Variants in CREBBP observed in about 807,000 individuals in gnomAD.
The protein encoded by CREBBP is CREB binding lysine acetyltransferase.
Under a neutral mutation model 265.0 loss-of-function variants are expected in CREBBP, and 19 were observed. The observed-to-expected ratio is 0.07, with a 90% CI of 0.05 to 0.11. The LOEUF (loss-of-function observed/expected upper bound fraction) is 0.11, where lower values mean the gene tolerates loss of function less well. Ranked by LOEUF, CREBBP falls within the 10% of genes least tolerant of loss-of-function variation. The pLI, the probability that CREBBP is intolerant of heterozygous loss-of-function variation, is 1.00. For synonymous variants in CREBBP, 1,457 were observed against 1,223.7 expected, an observed-to-expected ratio of 1.19 and a Z score of -3.98; for missense variants, 2,525 against 3,219.0, an observed-to-expected ratio of 0.78 and a Z score of 5.22.
intron 8 of CREBBP, among the ~76,000 whole-genome samples, 192 bp from the exon 9 acceptor site, chr16:3,779,009 A>T (rs112646090): frequency 6.6e-6 from 1 of 151,982 alleles, no homozygotes; most frequent in Non-Finnish European, 1.5e-5. Flanking sequence ...TCTACTAAAA[A>T]TACAAAAATT....
chr16:3,835,576 CTTTTTT>C (rs1021938849), intron 2 of CREBBP, among the ~76,000 whole-genome samples: 13 of 117,452 alleles, frequency 1.1e-4, no homozygotes, highest in Admixed American at 8.7e-5. Flanking sequence ...AAGATTTCTT[CTTTTTT>C]TTTTTTTTTT....
chr16:3,785,817 AG>A (rs1276804332), intron 5 of CREBBP, among the ~76,000 whole-genome samples: 1 of 152,192 alleles, frequency 6.6e-6, no homozygotes, highest in African/African-American at 2.4e-5. Context: ...TCTAACTTTT[AG>A]GAAGTCACAA....
In CREBBP at chr16:3,729,102, G is replaced by T. The variant is rs2151307132; in HGVS notation, c.5945C>A (p.Pro1982His). The change falls in exon 31 of 31, where the codon CCC (proline) becomes CAC (histidine). Residue 1982 changes from proline to histidine, a missense_variant. Coordinates refer to ENST00000262367, the MANE Select transcript of CREBBP (RefSeq NM_004380.3). ...LYRVNINNSMPPGRTGMGTPG... is the reference protein window; with the variant it reads ...LYRVNINNSMHPGRTGMGTPG... ...GGTCCCCATGCCCGTGCGTCCTGGG[G>T]GCATGCTGTTGTTGATGTTCACCCG... 6.3e-7 allele frequency: 1 copy of T among 1,584,384 alleles called. No individual in the cohort carries two copies. Among genetic ancestry groups the T allele is most frequent in the Non-Finnish European group, 8.5e-7 (1 of 1,171,154 alleles).
At chr16:3,842,881 G>A (rs1199451649) in intron 2 of CREBBP, among the ~76,000 whole-genome samples, 17 of 148,258 alleles carry the variant, frequency 1.1e-4, no homozygotes, top group African/African-American at 3.8e-4. Flanking sequence ...CAGGAGAATC[G>A]CTTGAACCTG....
intron 21 of CREBBP, among the ~76,000 whole-genome samples, chr16:3,747,965 C>T (rs536816873): frequency 6.6e-5 from 10 of 152,314 alleles, no homozygotes; most frequent in African/African-American, 2.2e-4. Context: ...TGGCACATGC[C>T]TGTAATCCCA....
At chr16:3,735,224 A>G (rs1057267387) in intron 28 of CREBBP, among the ~76,000 whole-genome samples, 9 of 152,186 alleles carry the variant, frequency 5.9e-5, no homozygotes, top group African/African-American at 2.2e-4. Context: ...CGCTCAGAGC[A>G]CACCATGCTT....
Position 3,880,236 on chromosome 16 carries a change from C to A in CREBBP, c.-320G>T. On this transcript the variant is annotated 5_prime_UTR_variant, in exon 1 of 31. Coordinates refer to ENST00000262367, the MANE Select transcript of CREBBP (RefSeq NM_004380.3). ...GGGGCGCCCCGGCGGCCCGGCCGCCCCCCCGGGCCCGGCTGGCAGCGACGG... is the reference window on the plus strand; with the variant it reads ...GGGGCGCCCCGGCGGCCCGGCCGCCACCCCGGGCCCGGCTGGCAGCGACGG... 1.4e-5 allele frequency: 2 copies of A among 141,530 alleles called. No homozygotes were observed. The highest frequency in any genetic ancestry group is 3.7e-4 in the South Asian group (2 of 5,404). The allele number at this position is 141,530 out of a possible 1,614,324, so 8.8% of individuals were successfully genotyped here. A position where few individuals can be genotyped will look rare whatever the true frequency, so the allele number is the denominator to read the frequency against.
Position 3,758,976 on chromosome 16 carries a change from C to T in CREBBP, c.3251-4G>A, listed in dbSNP as rs778701213. 1 of 1,595,736 alleles carries T rather than the reference C, an allele frequency of 6.3e-7. No individual in the cohort carries two copies. Among genetic ancestry groups the T allele is most frequent in the Non-Finnish European group, 8.6e-7 (1 of 1,164,118 alleles). ...CGTAACTCCTCTGGTTTAAAGACTG[C>T]AGAGAAAACATCAAGAAAAGACACT... On this transcript the variant is annotated splice_region_variant and splice_polypyrimidine_tract_variant and intron_variant, in intron 16 of 30. Transcript: ENST00000262367.
chr16:3,732,469 C>T (rs1160275756), intron 28 of CREBBP, among the ~76,000 whole-genome samples: 2 of 152,178 alleles, frequency 1.3e-5, no homozygotes, highest in Admixed American at 6.5e-5. Flanking sequence ...ATCAGTGCTG[C>T]GCCTGACTGG....
chr16:3,774,058 C>G (rs1479429030), intron 12 of CREBBP, 128 bp from the exon 13 acceptor site: 3 of 1,029,180 alleles, frequency 2.9e-6, no homozygotes, highest in Middle Eastern at 3.0e-4. Context: ...ACATCCTGCC[C>G]TTCCTCATGG....
chr16:3,738,251 C>T (rs2151333322), intron 26 of CREBBP, among the ~76,000 whole-genome samples: 1 of 150,962 alleles, frequency 6.6e-6, no homozygotes, highest in Non-Finnish European at 1.5e-5. Context: ...TTACTAAAAA[C>T]CACTGAATCA....
At chr16:3,836,077 A>G (rs976531617) in intron 2 of CREBBP, among the ~76,000 whole-genome samples, 3 of 152,168 alleles carry the variant, frequency 2.0e-5, no homozygotes, top group South Asian at 2.1e-4. Context: ...AGCACATACT[A>G]TAAGTCATCA....
intron 1 of CREBBP, among the ~76,000 whole-genome samples, chr16:3,879,009 A>G (rs2055461086): frequency 9.2e-6 from 1 of 109,108 alleles, no homozygotes; most frequent in African/African-American, 3.5e-5. Flanking sequence ...TTTTTTTGAA[A>G]AATTGGAATT....
chr16:3,830,781 G>A (rs1035167721), intron 2 of CREBBP, among the ~76,000 whole-genome samples: 1 of 152,170 alleles, frequency 6.6e-6, no homozygotes, highest in African/African-American at 2.4e-5. Flanking sequence ...ACAACTGTAG[G>A]ATACACATTC....
chr16:3,793,693 T>C, intron 3 of CREBBP, 67 bp from the exon 4 acceptor site: 1 of 1,561,628 alleles, frequency 6.4e-7, no homozygotes, highest in Non-Finnish European at 8.7e-7. Flanking sequence ...TCATTAATTA[T>C]TTCTCAAACA....
chr16:3,769,400 AAT>A, intron 14 of CREBBP, 47 bp from the exon 15 acceptor site: 1 of 1,607,230 alleles, frequency 6.2e-7, no homozygotes, highest in Non-Finnish European at 8.5e-7. Context: ...AGGTAACATA[AAT>A]GATCTTCAAC....
rs547257474 is a variant in CREBBP, at chr16:3,786,829, T to C, written c.1331-3903A>G. ...GCTCACGCCTGTAATCCCAGCACTT[T>C]GGGAGTATGAGGGTGGGGAGATCAC... is the stretch of plus-strand genomic sequence containing the variant. On this transcript the variant is annotated intron_variant, in intron 5 of 30. Transcript: ENST00000262367. Among the ~76,000 whole-genome samples the C allele has an allele frequency of 3.3e-5, 5 of 152,190 alleles. No homozygotes were observed. In the East Asian group the frequency reaches 9.7e-4, roughly 29 times the overall value.
rs368881714 is a variant in CREBBP at position 3,862,580 on chromosome 16, G to A, written c.86-11571C>T. 6.6e-5 allele frequency among the ~76,000 whole-genome samples: 10 copies of A among 152,276 alleles called. 1 individual carries two copies. The highest frequency in any genetic ancestry group is 5.8e-4 in the East Asian group (3 of 5,190). On this transcript the variant is annotated intron_variant, in intron 1 of 30. Coordinates refer to ENST00000262367, the MANE Select transcript of CREBBP (RefSeq NM_004380.3). ...ATATGCTGTGTTTTGTATGATGAAC[G>A]ATATTTAAGTGGACATTAACAACGA...
chr16:3,733,766 C>T (rs1254266504), intron 28 of CREBBP, among the ~76,000 whole-genome samples: 1 of 152,116 alleles, frequency 6.6e-6, no homozygotes, highest in Admixed American at 6.5e-5. Context: ...CTCAGCCTCC[C>T]AAGTAGCTGG....
Sources: gnomAD v4.1 joint callset for allele counts (sites outside exome capture counted in the v4.1 genomes callset) on GRCh38, gnomAD v4.1.1 for gene constraint, MANE v1.5 for transcripts, NCBI Gene and HGNC (gene_info 2026-07-23, HGNC 2026-07-21) for gene names.